The following SLC31A1 variants were observed in gnomAD, a reference collection of about 807,000 sequenced individuals.
The protein encoded by SLC31A1 is high affinity copper uptake protein 1.
A neutral mutation model predicts 17.2 loss-of-function variants in SLC31A1; 5 were observed. The observed-to-expected ratio is 0.29, with a 90% CI of 0.15 to 0.61. The LOEUF (loss-of-function observed/expected upper bound fraction) is 0.61. Among genes scored for constraint, SLC31A1 ranks in the 20% least tolerant of loss-of-function variants. The probability of loss-of-function intolerance (pLI) is 0.86; values close to 1 mark genes in which losing one functional copy is unlikely to be tolerated. For synonymous variants in SLC31A1, 76 were observed against 78.8 expected (o/e 0.96, Z 0.19); for missense variants, 161 against 241.4 (o/e 0.67, Z 2.21).
chr9:113,248,167 CAA>C (rs988916450), intron 1 of SLC31A1, among the ~76,000 whole-genome samples: 1 of 151,822 alleles, frequency 6.6e-6, no homozygotes. Context: ...AAAAATACAA[CAA>C]AAAAATTAGC....
At position 113,221,692 on chromosome 9, in the gene SLC31A1, C is replaced by T. The variant is rs865982245; in HGVS notation, c.-36+14C>T. ...TGACCTGGAAAGGTAAGGCTTCTCTCGGCCCCTCTTTCGCACCCCTGTGCA... is the reference window on the plus strand; with the variant it reads ...TGACCTGGAAAGGTAAGGCTTCTCTTGGCCCCTCTTTCGCACCCCTGTGCA... On this transcript the variant is annotated intron_variant, in intron 1 of 4. Coordinates refer to ENST00000374212, the MANE Select transcript of SLC31A1 (RefSeq NM_001859.4). The T allele has an allele frequency of 1.1e-5, 3 of 284,522 alleles. No homozygotes were observed. Among genetic ancestry groups the T allele is most frequent in the South Asian group, 6.3e-5 (2 of 31,644 alleles). 17.6% of individuals were successfully genotyped at this position (284,522 alleles called of 1,614,324 possible). A position where few individuals can be genotyped will look rare whatever the true frequency, so the allele number is the denominator to read the frequency against.
chr9:113,233,226 A>G (rs566135374), intron 1 of SLC31A1, among the ~76,000 whole-genome samples: 1 of 152,358 alleles, frequency 6.6e-6, no homozygotes, highest in Admixed American at 6.5e-5. Flanking sequence ...AAGGGCCCAC[A>G]ACCAGTAGGT....
chr9:113,254,360 T>C (rs1010716019), intron 1 of SLC31A1, among the ~76,000 whole-genome samples: 3 of 152,234 alleles, frequency 2.0e-5, no homozygotes, highest in African/African-American at 7.2e-5. Context: ...CCTTGTCTTA[T>C]TCATTGTTGA....
intron 1 of SLC31A1, among the ~76,000 whole-genome samples, chr9:113,238,658 A>C (rs920790209): frequency 2.0e-5 from 3 of 152,224 alleles, no homozygotes; most frequent in African/African-American, 7.2e-5. Flanking sequence ...CCTACTTGGA[A>C]GGCTGAGGCA....
intron 1 of SLC31A1, among the ~76,000 whole-genome samples, chr9:113,236,274 C>T (rs1305379680): frequency 6.6e-6 from 1 of 152,174 alleles, no homozygotes. Flanking sequence ...AGGTGTGAGC[C>T]ACTGCGCCCA....
At chr9:113,243,553 T>G (rs1831544549) in intron 1 of SLC31A1, among the ~76,000 whole-genome samples, 1 of 151,160 alleles carries the variant, frequency 6.6e-6, no homozygotes, top group South Asian at 2.1e-4. Flanking sequence ...ATAAAGTGTT[T>G]CTTTGTCTTA....
chr9:113,234,451 A>G (rs1831433777), intron 1 of SLC31A1, among the ~76,000 whole-genome samples: 2 of 140,278 alleles, frequency 1.4e-5, no homozygotes, highest in Admixed American at 7.3e-5. Context: ...TGCTGGGATT[A>G]CAGGCATGAA....
intron 2 of SLC31A1, 42 bp from the exon 3 acceptor site, chr9:113,257,071 T>C: frequency 6.6e-7 from 1 of 1,510,774 alleles, no homozygotes; most frequent in Non-Finnish European, 9.2e-7. Flanking sequence ...TCATTTAGAA[T>C]TTTCATTCAT....
At chr9:113,225,192 AG>A (rs1315001495) in intron 1 of SLC31A1, among the ~76,000 whole-genome samples, 2 of 152,256 alleles carry the variant, frequency 1.3e-5, no homozygotes, top group Non-Finnish European at 1.5e-5. Context: ...ATTGGAGAAT[AG>A]CCTAATGGTG....
In SLC31A1 at chr9:113,256,832, G is replaced by T. The variant is rs1319302214; in HGVS notation, c.130-281G>T. On this transcript the variant is annotated intron_variant, in intron 2 of 4. Coordinates refer to ENST00000374212, the MANE Select transcript of SLC31A1 (RefSeq NM_001859.4). ...GCCGAGATCTCGCCACTGCATTCCA[G>T]CCTGGGCTACAGAGCGAGAATCCGT... Among the ~76,000 whole-genome samples, 4 of 148,992 alleles carry T rather than the reference G, an allele frequency of 2.7e-5. 1 individual carries two copies. In the South Asian group the frequency reaches 6.4e-4, roughly 24 times the overall value.
In SLC31A1 at chr9:113,242,758, C is replaced by T. The variant is rs557916034; in HGVS notation, c.-35-13356C>T. 3.7e-4 allele frequency among the ~76,000 whole-genome samples: 56 copies of T among 152,268 alleles called. 1 individual carries two copies. The highest frequency in any genetic ancestry group is 1.9e-4 in the East Asian group (1 of 5,190). ...TATCTTATAGTTTGTTCCATTTCCC[C>T]GATGTCATTTTATGTGACACTTGTC... On this transcript the variant is annotated intron_variant, in intron 1 of 4. Coordinates refer to ENST00000374212, the MANE Select transcript of SLC31A1 (RefSeq NM_001859.4).
At chr9:113,243,545 A>T (rs941354601) in intron 1 of SLC31A1, among the ~76,000 whole-genome samples, 1 of 122,642 alleles carries the variant, frequency 8.2e-6, no homozygotes, top group Non-Finnish European at 1.6e-5. Flanking sequence ...ATCTGGAGAT[A>T]AAGTGTTTCT....
At chr9:113,233,833 A>G (rs775442684) in intron 1 of SLC31A1, among the ~76,000 whole-genome samples, 8 of 152,348 alleles carry the variant, frequency 5.3e-5, no homozygotes, top group Admixed American at 5.2e-4. Context: ...GGGCACAATA[A>G]TTAATAATTG....
rs528516357 is a variant in SLC31A1, at chr9:113,231,798, A to AT, written c.-36+10129dup. Among the ~76,000 whole-genome samples, 14 of 151,826 alleles carry AT rather than the reference A, an allele frequency of 9.2e-5. No individual in the cohort carries two copies. The East Asian group carries it at 1.2e-3, about 13-fold the overall frequency. On this transcript the variant is annotated intron_variant, in intron 1 of 4. Transcript: ENST00000374212. Reference sequence around the variant, plus strand: ...AGAAGATAGAGTTTGATTAGTGTTGATTTTTTTTTATTTTAGATTTTAAAA... The same window carrying AT: ...AGAAGATAGAGTTTGATTAGTGTTGATTTTTTTTTTATTTTAGATTTTAAAA...
At chr9:113,237,142 C>T (rs1021308283) in intron 1 of SLC31A1, among the ~76,000 whole-genome samples, 5 of 152,184 alleles carry the variant, frequency 3.3e-5, no homozygotes, top group African/African-American at 1.2e-4. Flanking sequence ...GAGCTTGGGG[C>T]TGTATGGAAG....
chr9:113,260,611 A>ACACACACC lies in SLC31A1; in HGVS notation c.*139_*140insACACACCC, dbSNP rs768996560. 1.0e-5 allele frequency: 7 copies of ACACACACC among 700,832 alleles called. No individual in the cohort carries two copies. Among genetic ancestry groups the ACACACACC allele is most frequent in the Non-Finnish European group, 1.8e-5 (7 of 397,032 alleles). 43.4% of individuals were successfully genotyped at this position (700,832 alleles called of 1,614,324 possible). A position where few individuals can be genotyped will look rare whatever the true frequency, so the allele number is the denominator to read the frequency against. ...CACACACACACACACACACACACAC[A>ACACACACC]CCCCTGCTCAACAGAGGTTTAGTTT... is the stretch of plus-strand genomic sequence containing the variant. On this transcript the variant is annotated 3_prime_UTR_variant, in exon 5 of 5. Transcript: ENST00000374212.
intron 1 of SLC31A1, among the ~76,000 whole-genome samples, chr9:113,249,911 A>T (rs559853010): frequency 6.6e-6 from 1 of 152,230 alleles, no homozygotes; most frequent in Admixed American, 6.5e-5. Flanking sequence ...TATGCAGCCA[A>T]AAAACACATG....
rs534396952 is a variant in SLC31A1, at chr9:113,226,697, G to A, written c.-36+5019G>A. Reference sequence around the variant, plus strand: ...TGAAATACAGCATGGTAAGATGGAAGCCTGAATCTCAAAAGTAAATATGAG... The same window carrying A: ...TGAAATACAGCATGGTAAGATGGAAACCTGAATCTCAAAAGTAAATATGAG... On this transcript the variant is annotated intron_variant, in intron 1 of 4. Transcript: ENST00000374212. Among the ~76,000 whole-genome samples, 4 of 152,256 alleles carry A rather than the reference G, an allele frequency of 2.6e-5. No individual in the cohort carries two copies. The East Asian group carries it at 7.7e-4, about 29-fold the overall frequency.
At position 113,236,056 on chromosome 9, in the gene SLC31A1, C is replaced by T. The variant is rs944371873; in HGVS notation, c.-36+14378C>T. Among the ~76,000 whole-genome samples the T allele has an allele frequency of 5.3e-5, 8 of 152,184 alleles. No homozygotes were observed. In the South Asian group the frequency reaches 8.3e-4, roughly 16 times the overall value. On this transcript the variant is annotated intron_variant, in intron 1 of 4. Coordinates refer to ENST00000374212, the MANE Select transcript of SLC31A1 (RefSeq NM_001859.4). ...AGGCTAGCGTGCAGTGGCGCAATCT[C>T]GGCTCACTGCAACCTCTGCCTCCCA... is the stretch of plus-strand genomic sequence containing the variant.
Sources: gnomAD v4.1 joint callset for allele counts (sites outside exome capture counted in the v4.1 genomes callset) on GRCh38, gnomAD v4.1.1 for gene constraint, MANE v1.5 for transcripts, NCBI Gene and HGNC (gene_info 2026-07-23, HGNC 2026-07-21) for gene names.